MSRA: variants seen among roughly 807,000 people sequenced by gnomAD.
The protein encoded by MSRA is mitochondrial peptide methionine sulfoxide reductase.
MSRA carries 54 observed loss-of-function variants against 31.3 expected under a neutral mutation model. That is an observed-to-expected ratio of 1.73 (90% CI 1.39 to 2.17). The LOEUF is 2.17. Among genes scored for constraint, MSRA ranks in the 30% most tolerant of loss-of-function variants. The pLI, the probability that MSRA is intolerant of heterozygous loss-of-function variation, is 0.00. For synonymous variants in MSRA, 169 were observed against 116.5 expected (o/e 1.45, Z -2.90); for missense variants, 507 against 300.9 (o/e 1.69, Z -5.07).
At chr8:10,415,543 G>A (rs760346753) in intron 5 of MSRA, among the ~76,000 whole-genome samples, 1 of 152,054 alleles carries the variant, frequency 6.6e-6, no homozygotes, top group Non-Finnish European at 1.5e-5. Context: ...AGACGAGTAC[G>A]CAGAAATAGG....
intron 2 of MSRA, among the ~76,000 whole-genome samples, chr8:10,235,214 A>G (rs1811845575): frequency 6.6e-6 from 1 of 152,184 alleles, no homozygotes; most frequent in Non-Finnish European, 1.5e-5. Context: ...AATGAAGACC[A>G]CATTCTCTAA....
chr8:10,182,473 G>C, intron 1 of MSRA, among the ~76,000 whole-genome samples: 1 of 152,190 alleles, frequency 6.6e-6, no homozygotes, highest in Non-Finnish European at 1.5e-5. Context: ...TGTTAGATAA[G>C]GTGGAGAGCT....
intron 5 of MSRA, among the ~76,000 whole-genome samples, chr8:10,426,305 A>G (rs1033980669): frequency 1.3e-5 from 2 of 152,222 alleles, no homozygotes; most frequent in African/African-American, 4.8e-5. Flanking sequence ...GATGGATTCT[A>G]CAGAAGGAAT....
chr8:10,205,697 G>C (rs1808901603), intron 1 of MSRA, among the ~76,000 whole-genome samples: 1 of 152,120 alleles, frequency 6.6e-6, no homozygotes, highest in African/African-American at 2.4e-5. Context: ...AATGAGAAAG[G>C]AAATAAATAA....
chr8:10,187,510 C>T (rs533759942), intron 1 of MSRA, among the ~76,000 whole-genome samples: 1 of 152,224 alleles, frequency 6.6e-6, no homozygotes, highest in African/African-American at 2.4e-5. Flanking sequence ...ACACAACCAC[C>T]CTTTCAAAAA....
At chr8:10,184,959 T>G (rs1806888014) in intron 1 of MSRA, among the ~76,000 whole-genome samples, 1 of 152,208 alleles carries the variant, frequency 6.6e-6, no homozygotes, top group East Asian at 1.9e-4. Context: ...GAATAAAACA[T>G]GAGAATAAAC....
intron 1 of MSRA, among the ~76,000 whole-genome samples, chr8:10,090,936 C>T (rs1160881437): frequency 6.6e-6 from 1 of 152,172 alleles, no homozygotes; most frequent in Non-Finnish European, 1.5e-5. Context: ...TCATCAGCTG[C>T]TGAACATGGG....
At chr8:10,417,459 A>G (rs993460361) in intron 5 of MSRA, among the ~76,000 whole-genome samples, 1 of 95,654 alleles carries the variant, frequency 1.0e-5, no homozygotes, top group Non-Finnish European at 2.5e-5. Flanking sequence ...CGCACACTCC[A>G]TGTAGGCTTA....
rs183178791 is a variant in MSRA at position 10,082,860 on chromosome 8, A to C, written c.142+28202A>C. 9.0e-4 allele frequency among the ~76,000 whole-genome samples: 137 copies of C among 152,362 alleles called. 1 individual carries two copies. The highest frequency in any genetic ancestry group is 3.2e-3 in the African/African-American group (132 of 41,590). On this transcript the variant is annotated intron_variant, in intron 1 of 5. Transcript: ENST00000317173. ...TGGAGCACCCACCAAAGTGCCGTGAACAGAGTAGGAATTCAATCAATATTT... is the reference window on the plus strand; with the variant it reads ...TGGAGCACCCACCAAAGTGCCGTGACCAGAGTAGGAATTCAATCAATATTT...
At chr8:10,075,627 C>T (rs879875489) in intron 1 of MSRA, among the ~76,000 whole-genome samples, 3 of 152,182 alleles carry the variant, frequency 2.0e-5, no homozygotes, top group Admixed American at 1.3e-4. Context: ...TCTGCAGTTT[C>T]CCCAAGGTTG....
chr8:10,219,124 A>C (rs548971683), intron 2 of MSRA, among the ~76,000 whole-genome samples: 1 of 152,372 alleles, frequency 6.6e-6, no homozygotes, highest in African/African-American at 2.4e-5. Flanking sequence ...CAATGCCTTC[A>C]AACTGTTGAA....
intron 1 of MSRA, among the ~76,000 whole-genome samples, chr8:10,088,671 G>C (rs572412138): frequency 6.6e-6 from 1 of 152,078 alleles, no homozygotes; most frequent in African/African-American, 2.4e-5. Flanking sequence ...GGGAGGATGA[G>C]GTTGCAGTGA....
At chr8:10,386,786 C>T (rs1806418556) in intron 5 of MSRA, among the ~76,000 whole-genome samples, 1 of 149,790 alleles carries the variant, frequency 6.7e-6, no homozygotes, top group African/African-American at 2.5e-5. Context: ...ATGCATTTGG[C>T]TTTAGATTGC....
chr8:10,413,103 A>T (rs1366162889), intron 5 of MSRA, among the ~76,000 whole-genome samples: 2 of 152,182 alleles, frequency 1.3e-5, no homozygotes, highest in Admixed American at 1.3e-4. Context: ...GAAACACCAC[A>T]CTGAGGAATG....
chr8:10,055,488 C>A (rs1388458296), intron 1 of MSRA, among the ~76,000 whole-genome samples: 1 of 152,238 alleles, frequency 6.6e-6, no homozygotes, highest in Non-Finnish European at 1.5e-5. Context: ...CAGAGTGCCC[C>A]CACCTGCCGC....
chr8:10,225,236 G>A (rs11249978), intron 2 of MSRA, among the ~76,000 whole-genome samples: 31,887 of 152,166 alleles, frequency 0.21, 4,256 homozygotes, highest in Admixed American at 0.36. Flanking sequence ...ACCCTCCCAT[G>A]TATTCAGTTG....
At chr8:10,176,548 C>CT (rs1368326068) in intron 1 of MSRA, among the ~76,000 whole-genome samples, 1 of 152,202 alleles carries the variant, frequency 6.6e-6, no homozygotes, top group African/African-American at 2.4e-5. Flanking sequence ...AATGCTCACA[C>CT]TTGTGTATCA....
chr8:10,154,466 C>T (rs1451756185), intron 1 of MSRA, among the ~76,000 whole-genome samples: 1 of 152,112 alleles, frequency 6.6e-6, no homozygotes, highest in Admixed American at 6.5e-5. Flanking sequence ...CAAGCTCTGC[C>T]TTCCAGGTTC....
chr8:10,309,122 G>A (rs769046006), intron 4 of MSRA, among the ~76,000 whole-genome samples: 3 of 152,180 alleles, frequency 2.0e-5, no homozygotes, highest in Non-Finnish European at 4.4e-5. Context: ...ATGAACTTCT[G>A]TACTATCATT....
Sources: gnomAD v4.1 joint callset for allele counts (sites outside exome capture counted in the v4.1 genomes callset) on GRCh38, gnomAD v4.1.1 for gene constraint, MANE v1.5 for transcripts, NCBI Gene and HGNC (gene_info 2026-07-23, HGNC 2026-07-21) for gene names.